Variants in ETFDH observed in about 807,000 individuals in gnomAD.
ETFDH encodes the protein electron transfer flavoprotein dehydrogenase.
A neutral mutation model predicts 73.2 loss-of-function variants in ETFDH; 61 were observed. That is an observed-to-expected ratio of 0.83 (90% CI 0.68 to 1.03). The LOEUF (loss-of-function observed/expected upper bound fraction) is 1.03. ETFDH is among the 50% of genes least tolerant of loss of function. The pLI, the probability that ETFDH is intolerant of heterozygous loss-of-function variation, is 0.00. For synonymous variants in ETFDH, 243 were observed against 253.3 expected (o/e 0.96, Z 0.39); for missense variants, 685 against 745.0 (o/e 0.92, Z 0.94).
At chr4:158,679,474 G>A (rs1186872422) in intron 1 of ETFDH, 1 of 152,050 alleles carries the variant, frequency 6.6e-6, no homozygotes, top group African/African-American at 2.4e-5. Context: ...TACAATCAAC[G>A]GGAGAAAAGA....
chr4:158,703,583 A>C lies in ETFDH; in HGVS notation c.1277A>C (p.Lys426Thr). Residue 426 changes from lysine to threonine, a missense_variant, in exon 10 of 13, where the codon AAG becomes ACG. Physicochemically the swap from Lys to Thr is moderately conservative, Grantham distance 78. Transcript: ENST00000511912. ...CTAACTAGTGAAAATCTCCAATCAA[A>C]GACAATAGGTAAGAAATTCCTGTGT... Reference protein sequence around the residue: ...NQLTSENLQSKTIGLHVTEYE... With the variant: ...NQLTSENLQSTTIGLHVTEYE... 6.3e-7 allele frequency: 1 copy of C among 1,593,022 alleles called. No homozygotes were observed. The highest frequency in any genetic ancestry group is 1.1e-5 in the South Asian group (1 of 90,620).
intron 3 of ETFDH, among the ~76,000 whole-genome samples, chr4:158,683,255 T>G: frequency 6.6e-6 from 1 of 152,228 alleles, no homozygotes; most frequent in East Asian, 1.9e-4. Context: ...AAATCTTAGA[T>G]TGTCAATTTT....
Position 158,699,094 on chromosome 4 carries a change from A to G in ETFDH, c.1080A>G (p.Ala360=), listed in dbSNP as rs150020458. The part of the protein sequence containing the change: ...RPTLEGGKRI[A]YGARALNEGG... ...CCTTGGAAGGTGGAAAAAGGATTGC[A>G]TACGGAGCCAGAGCTCTCAATGAAG... The change falls in exon 9 of 13, where the codon GCA becomes GCG. Residue 360 remains alanine, a synonymous_variant. Coordinates refer to ENST00000511912, the MANE Select transcript of ETFDH (RefSeq NM_004453.4). The G allele has an allele frequency of 3.5e-4, 567 of 1,614,112 alleles. No individual in the cohort carries two copies. Among genetic ancestry groups the G allele is most frequent in the Non-Finnish European group, 4.7e-4 (551 of 1,179,948 alleles).
intron 1 of ETFDH, among the ~76,000 whole-genome samples, chr4:158,675,768 C>CAAAAA (rs199648174): frequency 1.3e-4 from 10 of 78,746 alleles, no homozygotes; most frequent in African/African-American, 4.9e-4. Flanking sequence ...GACCCTGTCT[C>CAAAAA]AAAAAAAAAA....
At chr4:158,673,032 G>C (rs1371956627) in intron 1 of ETFDH, among the ~76,000 whole-genome samples, 1 of 152,168 alleles carries the variant, frequency 6.6e-6, no homozygotes, top group African/African-American at 2.4e-5. Flanking sequence ...GGCTGGGCGT[G>C]GTGGCTCAAG....
Position 158,706,775 on chromosome 4 carries a change from T to C in ETFDH, c.1615T>C (p.Leu539=), listed in dbSNP as rs755747152. 1.2e-6 allele frequency: 2 copies of C among 1,613,990 alleles called. No individual in the cohort carries two copies. The highest frequency in any genetic ancestry group is 1.7e-6 in the Non-Finnish European group (2 of 1,179,874). Residue 539 remains leucine (L), a synonymous_variant, in exon 12 of 13, where the codon TTA becomes CTA. Coordinates refer to ENST00000511912, the MANE Select transcript of ETFDH (RefSeq NM_004453.4). ...HEHDQPAHLT[L]RDDSIPVNRN... is the part of the protein sequence containing the mutation. ...ACATGACCAGCCGGCACACTTAACC[T>C]TAAGGGATGACAGTATACCTGTAAA...
At chr4:158,678,270 A>G (rs768463294) in intron 1 of ETFDH, among the ~76,000 whole-genome samples, 16 of 152,192 alleles carry the variant, frequency 1.1e-4, no homozygotes, top group Non-Finnish European at 2.1e-4. Flanking sequence ...TCAATTTGAC[A>G]GTTCCTCTGT....
chr4:158,672,464 T>C lies in ETFDH; in HGVS notation c.8T>C (p.Val3Ala). The C allele has an allele frequency of 6.2e-7, 1 of 1,614,086 alleles. No individual in the cohort carries two copies. Among genetic ancestry groups the C allele is most frequent in the Non-Finnish European group, 8.5e-7 (1 of 1,179,970 alleles). ...GTCCTGGTGACTTTGAACATGCTGG[T>C]GCCGCTAGCCAAGCTGTCCTGCCTG... MLVPLAKLSCLAY... is the reference protein window; with the variant it reads MLAPLAKLSCLAY... The change falls in exon 1 of 13, where the codon GTG becomes GCG. Residue 3 changes from valine (V) to alanine (A), a missense_variant. Transcript: ENST00000511912.
At chr4:158,705,449 C>T (rs959570820) in intron 10 of ETFDH, among the ~76,000 whole-genome samples, 6 of 152,200 alleles carry the variant, frequency 3.9e-5, no homozygotes, top group Non-Finnish European at 7.3e-5. Flanking sequence ...ATTATATCTA[C>T]AGCCACTAAT....
At chr4:158,683,807 C>T (rs189591808) in intron 3 of ETFDH, among the ~76,000 whole-genome samples, 89 of 152,246 alleles carry the variant, frequency 5.8e-4, no homozygotes, top group African/African-American at 2.1e-3. Flanking sequence ...CCACTAGCTT[C>T]GGCCTCCCAA....
chr4:158,701,274 G>C (rs1030200317), intron 9 of ETFDH, among the ~76,000 whole-genome samples: 1 of 152,074 alleles, frequency 6.6e-6, no homozygotes, highest in Non-Finnish European at 1.5e-5. Flanking sequence ...AATCGAACTT[G>C]GTGTCAACAA....
intron 8 of ETFDH, 62 bp from the exon 9 acceptor site, chr4:158,698,925 A>T: frequency 8.1e-7 from 1 of 1,239,790 alleles, no homozygotes. Flanking sequence ...CATTGCTTAC[A>T]TTTTAGCTTG....
At position 158,706,334 on chromosome 4, in the gene ETFDH, AT is replaced by A. The variant is rs966234208; in HGVS notation, c.1433del (p.Leu478Ter). On this transcript the variant is annotated frameshift_variant, in exon 11 of 13. Coordinates refer to ENST00000511912, the MANE Select transcript of ETFDH (RefSeq NM_004453.4). LOFTEE classifies it high-confidence loss of function. ...MIYTGIFYWI[L>X]RGMEPWTLKH... ...TTTACACTGGAATCTTTTACTGGAT[AT>A]TGAGAGGAATGGAGCCGTGGACTCT... The A allele has an allele frequency of 9.3e-6, 15 of 1,613,546 alleles. No homozygotes were observed. The highest frequency in any genetic ancestry group is 1.3e-5 in the African/African-American group (1 of 74,928).
rs1257815542 is a variant in ETFDH, at chr4:158,682,214, T to C, written c.195T>C (p.Phe65=). 6.2e-7 allele frequency: 1 copy of C among 1,614,150 alleles called. No individual in the cohort carries two copies. Among genetic ancestry groups the C allele is most frequent in the Admixed American group, 1.7e-5 (1 of 60,026 alleles). Reference sequence around the variant, plus strand: ...TCCCAGGAGTGAACATGGAAAGGTTTGCAGAAGAAGCAGATGTTGTAATAG... The same window carrying C: ...TCCCAGGAGTGAACATGGAAAGGTTCGCAGAAGAAGCAGATGTTGTAATAG... ...KRWEGVNMER[F]AEEADVVIVG... is the part of the protein sequence containing the mutation. Residue 65 remains phenylalanine, a synonymous_variant, in exon 3 of 13, where the codon TTT becomes TTC. Transcript: ENST00000511912.
intron 1 of ETFDH, among the ~76,000 whole-genome samples, chr4:158,673,108 AG>A (rs1411553724): frequency 6.6e-6 from 1 of 152,198 alleles, no homozygotes; most frequent in Non-Finnish European, 1.5e-5. Flanking sequence ...GTTCAAGACC[AG>A]CCTGGCCAAC....
At chr4:158,686,764 T>C (rs1382751509) in intron 5 of ETFDH, among the ~76,000 whole-genome samples, 1 of 152,146 alleles carries the variant, frequency 6.6e-6, no homozygotes, top group East Asian at 1.9e-4. Context: ...AAAGACCTTG[T>C]TTCTGAGGCC....
chr4:158,684,854 T>A, intron 4 of ETFDH, 181 bp downstream of exon 4: 1 of 627,916 alleles, frequency 1.6e-6, no homozygotes, highest in Non-Finnish European at 2.9e-6. Context: ...TCTTTTGTCT[T>A]CCAGTCTAGA....
At position 158,682,290 on chromosome 4, in the gene ETFDH, G is replaced by T. The variant is rs1208091864; in HGVS notation, c.271G>T (p.Ala91Ser). 6 of 1,614,200 alleles carry T rather than the reference G, an allele frequency of 3.7e-6. No homozygotes were observed. The highest frequency in any genetic ancestry group is 2.7e-5 in the African/African-American group (2 of 75,060). The change falls in exon 3 of 13, where the codon GCT becomes TCT. Residue 91 changes from alanine (A) to serine (S), a missense_variant. This residue lies in a region of ETFDH where 405 missense variants were observed against 399.3 expected (regional missense o/e 1.01). Coordinates refer to ENST00000511912, the MANE Select transcript of ETFDH (RefSeq NM_004453.4). ...TGCAGCTGTTCGTCTAAAACAGTTG[G>T]CTGTGGCACATGAAAAGGACATCCG... The part of the protein sequence containing the change: ...LSAAVRLKQL[A>S]VAHEKDIRVC...
intron 4 of ETFDH, chr4:158,684,875 T>C: frequency 3.2e-6 from 2 of 621,978 alleles, no homozygotes. Context: ...AGAATTGAGA[T>C]AGCCTTGTAA....
Sources: allele counts gnomAD v4.1 joint callset (sites outside exome capture counted in the v4.1 genomes callset), GRCh38; gene constraint gnomAD v4.1.1; regional missense constraint gnomAD v4.1.1; transcripts MANE v1.5; gene names NCBI Gene and HGNC (gene_info 2026-07-23, HGNC 2026-07-21).